The following G2E3 variants were observed in gnomAD, a reference collection of about 807,000 sequenced individuals.
G2E3 encodes G2/M phase-specific E3 ubiquitin-protein ligase.
In G2E3, 35 loss-of-function variants were observed where a neutral mutation model predicts 92.8. The ratio of observed to expected loss-of-function variants is 0.38; its 90% CI spans 0.29 to 0.50. The LOEUF (loss-of-function observed/expected upper bound fraction) is 0.50, where lower values mean the gene tolerates loss of function less well. G2E3 is among the 20% of genes least tolerant of loss of function. The pLI is 0.94. For synonymous variants in G2E3, 242 were observed against 272.4 expected, an observed-to-expected ratio of 0.89 and a Z score of 1.10; for missense variants, 554 against 823.8, an observed-to-expected ratio of 0.67 and a Z score of 4.01.
chr14:30,600,088 T>G (rs1881492156), intron 8 of G2E3, among the ~76,000 whole-genome samples: 1 of 152,206 alleles, frequency 6.6e-6, no homozygotes, highest in Non-Finnish European at 1.5e-5. Flanking sequence ...TTTACAAAAT[T>G]TATATAGGAA....
At chr14:30,596,615 T>A (rs953510449) in intron 6 of G2E3, among the ~76,000 whole-genome samples, 1 of 152,210 alleles carries the variant, frequency 6.6e-6, no homozygotes, top group African/African-American at 2.4e-5. Context: ...TCTGACATAA[T>A]TATCAGTATA....
At chr14:30,588,002 G>T (rs1309977379) in intron 3 of G2E3, among the ~76,000 whole-genome samples, 1 of 152,104 alleles carries the variant, frequency 6.6e-6, no homozygotes, top group African/African-American at 2.4e-5. Context: ...GTGCTTCTTT[G>T]AGAAACCACC....
At chr14:30,562,927 A>G (rs1429002998) in intron 1 of G2E3, among the ~76,000 whole-genome samples, 2 of 152,216 alleles carry the variant, frequency 1.3e-5, no homozygotes, top group Non-Finnish European at 2.9e-5. Context: ...GAACTTACCT[A>G]TCATTGGAGA....
At chr14:30,609,044 T>C (rs780332998) in intron 12 of G2E3, among the ~76,000 whole-genome samples, 3 of 152,226 alleles carry the variant, frequency 2.0e-5, no homozygotes, top group Admixed American at 6.5e-5. Context: ...ATAACTACTA[T>C]ATGTTGTGTC....
chr14:30,561,623 C>T (rs760325772), intron 1 of G2E3, among the ~76,000 whole-genome samples: 13 of 152,158 alleles, frequency 8.5e-5, no homozygotes, highest in Admixed American at 5.2e-4. Context: ...TTTATTTCCC[C>T]TTAAGATTTT....
At chr14:30,575,374 C>T (rs1322565583) in intron 1 of G2E3, among the ~76,000 whole-genome samples, 1 of 152,022 alleles carries the variant, frequency 6.6e-6, no homozygotes, top group Non-Finnish European at 1.5e-5. Context: ...AGGGAACATA[C>T]CTCAAAATAA....
Position 30,604,872 on chromosome 14 carries a change from C to CTTCATTCATTCA in G2E3, c.1011-606_1011-595dup, listed in dbSNP as rs138039664. 5.4e-5 allele frequency among the ~76,000 whole-genome samples: 8 copies of CTTCATTCATTCA among 147,274 alleles called. No individual in the cohort carries two copies. The East Asian group carries it at 1.4e-3, about 25-fold the overall frequency. On this transcript the variant is annotated intron_variant, in intron 10 of 14. Transcript: ENST00000206595. Reference sequence around the variant, plus strand: ...CCAGGAAGGTGAGAGTTTGAGCTTGCTTCATTCATTCATTCATTCATTCAT... The same window carrying CTTCATTCATTCA: ...CCAGGAAGGTGAGAGTTTGAGCTTGCTTCATTCATTCATTCATTCATTCATTCATTCATTCAT...
intron 1 of G2E3, among the ~76,000 whole-genome samples, chr14:30,571,339 T>G (rs1048988241): frequency 1.3e-5 from 2 of 152,052 alleles, no homozygotes; most frequent in African/African-American, 4.8e-5. Context: ...TAAGCATTCT[T>G]TATGCATTGT....
chr14:30,605,135 A>G (rs1881769449), intron 10 of G2E3, among the ~76,000 whole-genome samples: 2 of 152,140 alleles, frequency 1.3e-5, no homozygotes, highest in Admixed American at 6.5e-5. Flanking sequence ...ACCTCAGGTG[A>G]TCCGCCTGCC....
intron 1 of G2E3, among the ~76,000 whole-genome samples, chr14:30,575,233 G>T (rs778063013): frequency 6.6e-6 from 1 of 152,046 alleles, no homozygotes; most frequent in African/African-American, 2.4e-5. Flanking sequence ...CTTTTGAGAA[G>T]TATCTGCTTA....
At chr14:30,587,972 TC>T (rs1880804998) in intron 3 of G2E3, among the ~76,000 whole-genome samples, 1 of 152,202 alleles carries the variant, frequency 6.6e-6, no homozygotes, top group African/African-American at 2.4e-5. Flanking sequence ...TCTACCACCA[TC>T]CATGTTAAAA....
At position 30,598,748 on chromosome 14, in the gene G2E3, C is replaced by T. The variant is rs999942738; in HGVS notation, c.752+149C>T. ...AGGGATATTTTCTAATGCACATTTA[C>T]GTCTGTTTACAGAGAAATTTTTGCA... On this transcript the variant is annotated intron_variant, in intron 8 of 14. Coordinates refer to ENST00000206595, the MANE Select transcript of G2E3 (RefSeq NM_017769.5). 21 of 665,138 alleles carry T rather than the reference C, an allele frequency of 3.2e-5. No homozygotes were observed. In the Admixed American group the frequency reaches 3.8e-4, roughly 12 times the overall value. The allele number at this position is 665,138 out of a possible 1,614,324, so 41.2% of individuals were successfully genotyped here.
At chr14:30,565,801 A>G (rs1213823360) in intron 1 of G2E3, among the ~76,000 whole-genome samples, 3 of 151,664 alleles carry the variant, frequency 2.0e-5, no homozygotes, top group Non-Finnish European at 4.4e-5. Flanking sequence ...AGCTGGGACT[A>G]TAGGCACCCA....
intron 1 of G2E3, among the ~76,000 whole-genome samples, chr14:30,573,780 C>G (rs1030834800): frequency 6.6e-6 from 1 of 152,108 alleles, no homozygotes. Flanking sequence ...TGGCCATCTG[C>G]TTTGCTCAGT....
chr14:30,587,942 A>C (rs1415620162), intron 3 of G2E3, among the ~76,000 whole-genome samples: 1 of 152,176 alleles, frequency 6.6e-6, no homozygotes, highest in Non-Finnish European at 1.5e-5. Context: ...GTATCAACAA[A>C]TTGTGGACAT....
chr14:30,575,753 G>A (rs1036049289), intron 1 of G2E3, among the ~76,000 whole-genome samples: 4 of 152,100 alleles, frequency 2.6e-5, no homozygotes, highest in Admixed American at 2.0e-4. Context: ...AATCAGAAAG[G>A]CAATCCCATT....
Position 30,615,017 on chromosome 14 carries a change from G to A in G2E3, c.1674-332G>A, listed in dbSNP as rs112650655. Among the ~76,000 whole-genome samples the A allele has an allele frequency of 3.0e-3, 464 of 152,200 alleles. 2 individuals are homozygous for A. The highest frequency in any genetic ancestry group is 0.011 in the African/African-American group (454 of 41,542). ...TTTTTATAATAATTAGCTTTGAAGT[G>A]TAAAACACTTCAGATTTTGATGTCT... is the stretch of plus-strand genomic sequence containing the variant. On this transcript the variant is annotated intron_variant, in intron 13 of 14. Coordinates refer to ENST00000206595, the MANE Select transcript of G2E3 (RefSeq NM_017769.5).
chr14:30,610,338 G>A (rs1237095620), intron 12 of G2E3, among the ~76,000 whole-genome samples: 2 of 152,144 alleles, frequency 1.3e-5, no homozygotes, highest in Non-Finnish European at 2.9e-5. Context: ...GAATATGGCC[G>A]GGCGCAGTGG....
In G2E3 at chr14:30,610,889, G is replaced by T. The variant is rs118095521; in HGVS notation, c.1501-1318G>T. 1.7e-4 allele frequency among the ~76,000 whole-genome samples: 26 copies of T among 152,320 alleles called. No homozygotes were observed. In the East Asian group the frequency reaches 4.8e-3, roughly 28 times the overall value. On this transcript the variant is annotated intron_variant, in intron 12 of 14. Transcript: ENST00000206595. ...AATGCAGCCATGCCCATTTGCTACT[G>T]ATCTGACTGCTTTCACGCTACAGTG...
Sources: allele counts gnomAD v4.1 joint callset (sites outside exome capture counted in the v4.1 genomes callset), GRCh38; gene constraint gnomAD v4.1.1; transcripts MANE v1.5; gene names NCBI Gene and HGNC (gene_info 2026-07-23, HGNC 2026-07-21).